GRB14: variants seen among roughly 807,000 people sequenced by gnomAD.
GRB14 encodes growth factor receptor-bound protein 14.
In GRB14, 38 loss-of-function variants were observed where a neutral mutation model predicts 69.1. That is an observed-to-expected ratio of 0.55 (90% CI 0.42 to 0.72). GRB14 has a LOEUF of 0.72. Ranked by LOEUF, GRB14 falls within the 30% of genes least tolerant of loss-of-function variation. The probability of loss-of-function intolerance (pLI) is 0.00; values close to 1 mark genes in which losing one functional copy is unlikely to be tolerated. For missense variants in GRB14, 666 were observed against 666.1 expected (o/e 1.00, Z 0.00); for synonymous variants, 247 against 241.3 (o/e 1.02, Z -0.22).
chr2:164,617,959 TGGG>T lies in GRB14; in HGVS notation c.324+1725_324+1727del, dbSNP rs68125620. On this transcript the variant is annotated intron_variant, in intron 2 of 13. Transcript: ENST00000263915. ...CAAGGACAAGCCAGAATCTTTTTTT[TGGG>T]GGGGGGGGGGTAGTGTCAGCGGGGG... 1.3e-3 allele frequency among the ~76,000 whole-genome samples: 103 copies of T among 77,120 alleles called. 2 individuals carry two copies. The highest frequency in any genetic ancestry group is 1.8e-3 in the African/African-American group (46 of 25,562). 50.6% of individuals were successfully genotyped at this position (77,120 alleles called of 152,430 possible).
intron 2 of GRB14, among the ~76,000 whole-genome samples, chr2:164,595,425 A>G (rs1385012759): frequency 6.6e-6 from 1 of 152,238 alleles, no homozygotes; most frequent in African/African-American, 2.4e-5. Flanking sequence ...CCTAAGGAGT[A>G]TGTGATTTGT....
chr2:164,614,854 A>G (rs1292926326), intron 2 of GRB14, among the ~76,000 whole-genome samples: 1 of 152,212 alleles, frequency 6.6e-6, no homozygotes, highest in African/African-American at 2.4e-5. Flanking sequence ...CTGGCATCAC[A>G]AAGGAATGAT....
chr2:164,573,909 T>A, intron 2 of GRB14: 4 of 1,612,296 alleles, frequency 2.5e-6, no homozygotes, highest in Non-Finnish European at 3.4e-6. Context: ...TTAGGTCATG[T>A]GGTTATGGGT....
chr2:164,571,826 A>G (rs1689130432), intron 2 of GRB14, among the ~76,000 whole-genome samples: 1 of 152,206 alleles, frequency 6.6e-6, no homozygotes, highest in East Asian at 1.9e-4. Flanking sequence ...AGAAAACTGT[A>G]ATCTGGCTCT....
chr2:164,493,194 A>G lies in GRB14; in HGVS notation c.1477-12T>C. 1 of 1,608,850 alleles carries G rather than the reference A, an allele frequency of 6.2e-7. No individual in the cohort carries two copies. The highest frequency in any genetic ancestry group is 8.5e-7 in the Non-Finnish European group (1 of 1,177,108). On this transcript the variant is annotated splice_polypyrimidine_tract_variant and intron_variant, in intron 13 of 13. Transcript: ENST00000263915. ...CCGTCATCTTCTACCTGCAAAAAGAAAAGCAACAAATAAGTAAAGAGGATA... is the reference window on the plus strand; with the variant it reads ...CCGTCATCTTCTACCTGCAAAAAGAGAAGCAACAAATAAGTAAAGAGGATA...
intron 8 of GRB14, among the ~76,000 whole-genome samples, chr2:164,507,664 C>T (rs982513407): frequency 6.6e-6 from 1 of 152,158 alleles, no homozygotes; most frequent in South Asian, 2.1e-4. Context: ...TGTGGACGGG[C>T]ACTTTCCCTG....
chr2:164,597,517 C>G (rs777424948), intron 2 of GRB14, among the ~76,000 whole-genome samples: 8 of 152,148 alleles, frequency 5.3e-5, no homozygotes, highest in Non-Finnish European at 1.0e-4. Flanking sequence ...CAATGCCACT[C>G]ACTTTCCCTA....
At chr2:164,594,549 G>A (rs1689739922) in intron 2 of GRB14, among the ~76,000 whole-genome samples, 2 of 152,122 alleles carry the variant, frequency 1.3e-5, no homozygotes, top group Admixed American at 1.3e-4. Flanking sequence ...AAGTACAGAG[G>A]TTGTATGTAA....
intron 2 of GRB14, among the ~76,000 whole-genome samples, chr2:164,605,129 G>T (rs9973968): frequency 0.013 from 2,001 of 152,260 alleles, 45 homozygotes; most frequent in African/African-American, 0.044. Flanking sequence ...GAGTCTCAAA[G>T]TAATTATGTA....
chr2:164,580,322 A>G (rs1689369685), intron 2 of GRB14, among the ~76,000 whole-genome samples: 2 of 151,114 alleles, frequency 1.3e-5, no homozygotes. Flanking sequence ...CGAACTCCTG[A>G]CCTCAGGTGA....
intron 2 of GRB14, among the ~76,000 whole-genome samples, chr2:164,579,601 G>C (rs1302647283): frequency 1.3e-5 from 2 of 152,000 alleles, no homozygotes; most frequent in Non-Finnish European, 2.9e-5. Flanking sequence ...TTGGGAAGTG[G>C]GGGGAAATGA....
intron 2 of GRB14, among the ~76,000 whole-genome samples, chr2:164,581,381 G>T (rs1015987658): frequency 2.0e-5 from 3 of 152,152 alleles, no homozygotes; most frequent in Non-Finnish European, 4.4e-5. Flanking sequence ...AGTCACAAGG[G>T]TCCTTAAAAG....
chr2:164,501,759 T>G (rs1462609871), intron 9 of GRB14, among the ~76,000 whole-genome samples: 1 of 152,048 alleles, frequency 6.6e-6, no homozygotes, highest in East Asian at 1.9e-4. Flanking sequence ...TTAGCCAGAA[T>G]GCAAAAGAGC....
In GRB14 at chr2:164,614,522, T is replaced by C. The variant is rs576456468; in HGVS notation, c.324+5165A>G. ...TTATTTATGTTAGGGAATAATGGCA[T>C]TTGGGATATAAAAGAAAATTCATTT... is the stretch of plus-strand genomic sequence containing the variant. On this transcript the variant is annotated intron_variant, in intron 2 of 13. Coordinates refer to ENST00000263915, the MANE Select transcript of GRB14 (RefSeq NM_004490.3). 7.2e-5 allele frequency among the ~76,000 whole-genome samples: 11 copies of C among 152,278 alleles called. No individual in the cohort carries two copies. In the South Asian group the frequency reaches 2.3e-3, roughly 32 times the overall value.
intron 2 of GRB14, chr2:164,568,336 C>T (rs1484361174): frequency 3.9e-6 from 5 of 1,288,082 alleles, no homozygotes; most frequent in African/African-American, 1.5e-5. Context: ...GAATTATTGG[C>T]GTTATTGCAG....
intron 2 of GRB14, among the ~76,000 whole-genome samples, chr2:164,564,888 G>A (rs569024298): frequency 6.6e-6 from 1 of 152,062 alleles, no homozygotes; most frequent in Non-Finnish European, 1.5e-5. Context: ...GGTGGCACAC[G>A]CCTGTAGTCC....
intron 3 of GRB14, among the ~76,000 whole-genome samples, chr2:164,539,246 A>ATGG (rs1559041300): frequency 1.3e-5 from 2 of 152,212 alleles, no homozygotes; most frequent in South Asian, 2.1e-4. Context: ...AGGCCAAGGC[A>ATGG]GATGGATCAC....
chr2:164,602,842 T>C (rs930284931), intron 2 of GRB14, among the ~76,000 whole-genome samples: 5 of 152,256 alleles, frequency 3.3e-5, no homozygotes, highest in East Asian at 1.9e-4. Flanking sequence ...ATATCTATTA[T>C]GGGAAGAGAA....
intron 2 of GRB14, among the ~76,000 whole-genome samples, chr2:164,580,709 GAAA>G (rs58711289): frequency 5.5e-4 from 79 of 142,740 alleles, no homozygotes; most frequent in African/African-American, 2.0e-3. Context: ...ATCTCAGGAA[GAAA>G]AAAAAAAAAA....
Sources: allele counts gnomAD v4.1 joint callset (sites outside exome capture counted in the v4.1 genomes callset), GRCh38; gene constraint gnomAD v4.1.1; transcripts MANE v1.5; gene names NCBI Gene and HGNC (gene_info 2026-07-23, HGNC 2026-07-21).